The following CDH4 variants were observed in gnomAD, a reference collection of about 807,000 sequenced individuals.
CDH4 encodes cadherin 4.
In CDH4, 33 loss-of-function variants were observed where a neutral mutation model predicts 86.0. That is an observed-to-expected ratio of 0.38 (90% CI 0.29 to 0.51). The LOEUF (loss-of-function observed/expected upper bound fraction) is 0.51. Ranked by LOEUF, CDH4 falls within the 20% of genes least tolerant of loss-of-function variation. CDH4 has a pLI of 0.86. For missense variants in CDH4, 1,114 were observed against 1,307.4 expected (o/e 0.85, Z 2.28); for synonymous variants, 555 against 549.4 (o/e 1.01, Z -0.14).
At chr20:61,812,233 T>C (rs1980477901) in intron 4 of CDH4, among the ~76,000 whole-genome samples, 1 of 152,080 alleles carries the variant, frequency 6.6e-6, no homozygotes, top group South Asian at 2.1e-4. Flanking sequence ...GGGGAGCAGC[T>C]AAGGGAGGGC....
intron 9 of CDH4, among the ~76,000 whole-genome samples, chr20:61,913,703 G>T (rs1055678067): frequency 6.6e-6 from 1 of 152,220 alleles, no homozygotes; most frequent in Non-Finnish European, 1.5e-5. Flanking sequence ...TGAGAAGGCC[G>T]CTGGGAGAGT....
intron 2 of CDH4, among the ~76,000 whole-genome samples, chr20:61,565,200 TGGTCGCGGTGCTCTCGG>T (rs2086266080): frequency 4.2e-5 from 2 of 47,380 alleles, no homozygotes; most frequent in Admixed American, 2.1e-4. Flanking sequence ...CTCTTGGTGG[TGGTCGCGGTGCTCTCGG>T]TGGTAGGTGG....
At chr20:61,732,154 C>T (rs2088198043) in intron 2 of CDH4, among the ~76,000 whole-genome samples, 1 of 152,192 alleles carries the variant, frequency 6.6e-6, no homozygotes, top group African/African-American at 2.4e-5. Context: ...TTTGCAATAA[C>T]CCAAGATTTT....
intron 8 of CDH4, among the ~76,000 whole-genome samples, chr20:61,906,820 C>T (rs114910755): frequency 0.01 from 1,529 of 152,224 alleles, 31 homozygotes; most frequent in African/African-American, 0.035. Context: ...GTGTCAGAGA[C>T]CAGTGGTGTG....
At chr20:61,340,741 C>T (rs140329316) in intron 2 of CDH4, among the ~76,000 whole-genome samples, 57 of 152,104 alleles carry the variant, frequency 3.7e-4, no homozygotes, top group African/African-American at 1.2e-3. Flanking sequence ...CACACCTCCA[C>T]GCTCAACTGA....
chr20:61,698,415 C>T (rs2087738290), intron 2 of CDH4, among the ~76,000 whole-genome samples: 1 of 152,248 alleles, frequency 6.6e-6, no homozygotes, highest in African/African-American at 2.4e-5. Context: ...GGAGCCGCAG[C>T]CCTGCCGTCC....
At chr20:61,688,102 G>A (rs370559739) in intron 2 of CDH4, among the ~76,000 whole-genome samples, 3 of 152,194 alleles carry the variant, frequency 2.0e-5, no homozygotes, top group African/African-American at 7.2e-5. Context: ...CGACAGCCCA[G>A]GTCTCCCCTA....
chr20:61,873,743 C>T lies in CDH4; in HGVS notation c.893C>T (p.Thr298Ile), dbSNP rs1463730085. 1 of 1,613,446 alleles carries T rather than the reference C, an allele frequency of 6.2e-7. No individual in the cohort carries two copies. Among genetic ancestry groups the T allele is most frequent in the South Asian group, 1.1e-5 (1 of 91,074 alleles). The stretch of plus-strand genomic sequence containing the variant: ...TCCGTTCCAGGCACCTACGTGATGA[C>T]CGTCACGGCCAACGATGCTGACGAC... ...EGSKPGTYVM[T>I]VTANDADDST... The change falls in exon 7 of 16, where the codon ACC becomes ATC. Residue 298 changes from threonine (T) to isoleucine (I), a missense_variant. Physicochemically the swap from Thr to Ile is moderately conservative, Grantham distance 89 (BLOSUM62 -1). Around this residue, in one of 3 missense-constraint regions of CDH4, gnomAD observed 705 missense variants for 914.1 expected, o/e 0.77. Coordinates refer to ENST00000614565, the MANE Select transcript of CDH4 (RefSeq NM_001794.5).
At chr20:61,362,717 C>T (rs2084790764) in intron 2 of CDH4, among the ~76,000 whole-genome samples, 1 of 151,976 alleles carries the variant, frequency 6.6e-6, no homozygotes, top group African/African-American at 2.4e-5. Context: ...GTGCCCCTGG[C>T]TGGATGGGGT....
intron 2 of CDH4, among the ~76,000 whole-genome samples, chr20:61,506,274 CTG>C (rs1337425920): frequency 6.6e-6 from 1 of 152,208 alleles, no homozygotes; most frequent in Non-Finnish European, 1.5e-5. Flanking sequence ...AGACAATTCT[CTG>C]TCCTCATTAA....
At chr20:61,442,886 A>ACC (rs982873353) in intron 2 of CDH4, among the ~76,000 whole-genome samples, 10 of 152,228 alleles carry the variant, frequency 6.6e-5, no homozygotes, top group Admixed American at 2.0e-4. Context: ...GGGCTGAATC[A>ACC]CCCCATGGTG....
At chr20:61,812,052 C>A (rs1980465300) in intron 4 of CDH4, among the ~76,000 whole-genome samples, 1 of 152,116 alleles carries the variant, frequency 6.6e-6, no homozygotes, top group Admixed American at 6.5e-5. Context: ...CTTCGTCTTT[C>A]CTGTTTCTCC....
chr20:61,327,951 G>A (rs1019080305), intron 2 of CDH4, among the ~76,000 whole-genome samples: 2 of 152,160 alleles, frequency 1.3e-5, no homozygotes, highest in African/African-American at 4.8e-5. Flanking sequence ...GGATCTTAAC[G>A]TGAACAAAGC....
At chr20:61,639,169 G>A (rs753189835) in intron 2 of CDH4, among the ~76,000 whole-genome samples, 10 of 152,238 alleles carry the variant, frequency 6.6e-5, no homozygotes, top group Non-Finnish European at 1.5e-4. Context: ...GTGCAAGGTG[G>A]TGAATTGAAA....
intron 2 of CDH4, among the ~76,000 whole-genome samples, chr20:61,454,744 T>A (rs952868965): frequency 2.6e-5 from 4 of 152,082 alleles, no homozygotes; most frequent in Non-Finnish European, 5.9e-5. Flanking sequence ...CGCGCCCTGC[T>A]GGGAGGAGCA....
intron 2 of CDH4, among the ~76,000 whole-genome samples, chr20:61,299,722 C>T (rs1184310097): frequency 6.6e-6 from 1 of 152,132 alleles, no homozygotes; most frequent in South Asian, 2.1e-4. Flanking sequence ...CCCTGCAGGC[C>T]GGGCTGTCAT....
At chr20:61,840,852 G>A (rs1982130583) in intron 4 of CDH4, among the ~76,000 whole-genome samples, 1 of 152,202 alleles carries the variant, frequency 6.6e-6, no homozygotes, top group Non-Finnish European at 1.5e-5. Context: ...CACATCACCC[G>A]CAGCCACCCG....
chr20:61,865,407 T>G (rs555648809), intron 6 of CDH4, among the ~76,000 whole-genome samples: 1 of 152,052 alleles, frequency 6.6e-6, no homozygotes, highest in African/African-American at 2.4e-5. Flanking sequence ...GGCTGATTAG[T>G]GTAGATGATA....
chr20:61,449,428 C>T (rs952905510), intron 2 of CDH4, among the ~76,000 whole-genome samples: 4 of 152,200 alleles, frequency 2.6e-5, no homozygotes, highest in South Asian at 2.1e-4. Flanking sequence ...TGAGTCACTC[C>T]GCTAATAAGG....
Sources: gnomAD v4.1 joint callset for allele counts (sites outside exome capture counted in the v4.1 genomes callset) on GRCh38, gnomAD v4.1.1 for gene constraint, gnomAD v4.1.1 regional missense constraint, MANE v1.5 for transcripts, NCBI Gene and HGNC (gene_info 2026-07-23, HGNC 2026-07-21) for gene names.